The following RASSF6 variants were observed in gnomAD, a reference collection of about 807,000 sequenced individuals.
RASSF6 encodes Ras association domain family member 6.
A neutral mutation model predicts 44.0 loss-of-function variants in RASSF6; 52 were observed. The observed-to-expected ratio is 1.18, with a 90% CI of 0.95 to 1.49. RASSF6 has a LOEUF of 1.49. RASSF6 is among the 40% of genes most tolerant of loss of function. The pLI is 0.00. For missense variants in RASSF6, 464 were observed against 393.3 expected (o/e 1.18, Z -1.52); for synonymous variants, 162 against 124.6 (o/e 1.30, Z -2.00).
In RASSF6 at chr4:73,606,112, C is replaced by A. The variant is rs1725606522; in HGVS notation, c.65+5619G>T. 2.0e-5 allele frequency among the ~76,000 whole-genome samples: 3 copies of A among 152,192 alleles called. No individual in the cohort carries two copies. In the South Asian group the frequency reaches 6.2e-4, roughly 32 times the overall value. On this transcript the variant is annotated intron_variant, in intron 2 of 10. Coordinates refer to ENST00000307439, the MANE Select transcript of RASSF6 (RefSeq NM_177532.5). ...ACATTCTACCAAAAAGACATACACA[C>A]CCCTGTGTTTATCACAACACTATTC...
At chr4:73,616,571 C>T (rs1200527772) in intron 1 of RASSF6, among the ~76,000 whole-genome samples, 2 of 151,966 alleles carry the variant, frequency 1.3e-5, no homozygotes, top group Admixed American at 1.3e-4. Context: ...AAATTAAGAG[C>T]TAAGAGATTA....
chr4:73,618,637 G>T (rs1350735377), intron 1 of RASSF6, among the ~76,000 whole-genome samples: 1 of 152,010 alleles, frequency 6.6e-6, no homozygotes, highest in Non-Finnish European at 1.5e-5. Context: ...ACCCCAGAGG[G>T]AAATAACATA....
At position 73,618,558 on chromosome 4, in the gene RASSF6, C is replaced by T. The variant is rs150505833; in HGVS notation, c.-35+1730G>A. 3.3e-5 allele frequency among the ~76,000 whole-genome samples: 5 copies of T among 152,138 alleles called. No individual in the cohort carries two copies. In the East Asian group the frequency reaches 7.7e-4, roughly 23 times the overall value. ...GAAAAATCTTTAATGAATATTGGAA[C>T]CCTAACTTATTCTAATTCAATTTGA... On this transcript the variant is annotated intron_variant, in intron 1 of 10. Transcript: ENST00000307439.
At position 73,576,678 on chromosome 4, in the gene RASSF6, C is replaced by T; in HGVS notation, c.775G>A (p.Gly259Arg). 2 of 1,613,640 alleles carry T rather than the reference C, an allele frequency of 1.2e-6. No individual in the cohort carries two copies. The highest frequency in any genetic ancestry group is 1.3e-5 in the African/African-American group (1 of 74,976). Residue 259 changes from glycine to arginine, a missense_variant, in exon 9 of 11, where the codon GGA (glycine) becomes AGA (arginine). Gly to Arg is a moderately radical substitution (Grantham distance 125). Coordinates refer to ENST00000307439, the MANE Select transcript of RASSF6 (RefSeq NM_177532.5). The stretch of plus-strand genomic sequence containing the variant: ...ATGCGAGCATTCTTTTCAGAAGGTC[C>T]CTGTAGGAGCCTCTGCAGTAGCGGA... ...DIPLLQRLLQ[G>R]PSEKNARIFL... is the part of the protein sequence containing the mutation.
upstream of RASSF6, chr4:73,620,616 C>CAGGGAGTGGCTCAGG: frequency 1.5e-6 from 1 of 685,518 alleles, no homozygotes; most frequent in South Asian, 2.1e-5. Flanking sequence ...ACCTGAGCCA[C>CAGGGAGTGGCTCAGG]TCCCTGTGCC....
In RASSF6 at chr4:73,616,989, T is replaced by A. The variant is rs75599757; in HGVS notation, c.-35+3299A>T. ...TAGTTCTCTCAAAAAAGGAAAAGAG[T>A]TAACAGAGTGATGGTTTCTGGGAAA... On this transcript the variant is annotated intron_variant, in intron 1 of 10. Transcript: ENST00000307439. 5.9e-5 allele frequency among the ~76,000 whole-genome samples: 9 copies of A among 152,158 alleles called. No individual in the cohort carries two copies. The East Asian group carries it at 1.7e-3, about 29-fold the overall frequency.
At chr4:73,596,217 A>G (rs1194912865) in intron 3 of RASSF6, among the ~76,000 whole-genome samples, 2 of 152,230 alleles carry the variant, frequency 1.3e-5, no homozygotes, top group Non-Finnish European at 2.9e-5. Flanking sequence ...TGCAGATGAC[A>G]TAATCTTATA....
intron 1 of RASSF6, among the ~76,000 whole-genome samples, chr4:73,619,957 A>G (rs560186298): frequency 1.3e-5 from 2 of 152,048 alleles, no homozygotes; most frequent in African/African-American, 2.4e-5. Flanking sequence ...GTATCTTTGT[A>G]AGGCACGATT....
chr4:73,618,777 A>G (rs368934796), intron 1 of RASSF6, among the ~76,000 whole-genome samples: 8 of 152,340 alleles, frequency 5.3e-5, no homozygotes, highest in African/African-American at 1.9e-4. Context: ...AATGATATTA[A>G]GTTAGAGTAT....
intron 3 of RASSF6, 22 bp downstream of exon 3, chr4:73,598,618 T>G (rs1725087878): frequency 1.5e-6 from 2 of 1,328,708 alleles, no homozygotes; most frequent in Admixed American, 2.0e-5. Flanking sequence ...AACACCGGAT[T>G]GCCTTTCTTC....
chr4:73,577,005 A>T (rs1033297617), intron 8 of RASSF6, among the ~76,000 whole-genome samples: 1 of 152,168 alleles, frequency 6.6e-6, no homozygotes, highest in East Asian at 1.9e-4. Flanking sequence ...GCCTTTTATA[A>T]AGCAATATGC....
chr4:73,608,535 C>T (rs181737907), intron 2 of RASSF6, among the ~76,000 whole-genome samples: 3 of 152,120 alleles, frequency 2.0e-5, no homozygotes, highest in Non-Finnish European at 2.9e-5. Context: ...TTCACTGGGT[C>T]ATCAAACATG....
At position 73,617,437 on chromosome 4, in the gene RASSF6, G is replaced by T. The variant is rs926664397; in HGVS notation, c.-35+2851C>A. Among the ~76,000 whole-genome samples, 3 of 152,220 alleles carry T rather than the reference G, an allele frequency of 2.0e-5. No individual in the cohort carries two copies. The South Asian group carries it at 6.2e-4, about 31-fold the overall frequency. ...GGGTCTGGGAGGCGCTGCTCAGTCT[G>T]CCGACAGCATCTTCTGGAATTACTG... On this transcript the variant is annotated intron_variant, in intron 1 of 10. Coordinates refer to ENST00000307439, the MANE Select transcript of RASSF6 (RefSeq NM_177532.5).
intron 3 of RASSF6, 99 bp downstream of exon 3, chr4:73,598,541 T>C: frequency 1.6e-6 from 1 of 620,066 alleles, no homozygotes; most frequent in Non-Finnish European, 2.7e-6. Flanking sequence ...CATAATCAAG[T>C]TAAACTTTCA....
Position 73,573,503 on chromosome 4 carries a change from CAATATAA to C in RASSF6, c.*2725_*2731del, listed in dbSNP as rs1723026896. On this transcript the variant is annotated 3_prime_UTR_variant, in exon 11 of 11. Coordinates refer to ENST00000307439, the MANE Select transcript of RASSF6 (RefSeq NM_177532.5). ...TATTTCCTTTTGTCACAATAAATAA[CAATATAA>C]AACATATCTTTGCAGAATGTCTTTG... The C allele has an allele frequency of 6.6e-6, 1 of 152,082 alleles. No individual in the cohort carries two copies. The highest frequency in any genetic ancestry group is 1.5e-5 in the Non-Finnish European group (1 of 67,992). 9.4% of individuals were successfully genotyped at this position (152,082 alleles called of 1,614,324 possible).
At chr4:73,612,654 C>T (rs1344309621) in intron 1 of RASSF6, among the ~76,000 whole-genome samples, 1 of 151,998 alleles carries the variant, frequency 6.6e-6, no homozygotes, top group Admixed American at 6.6e-5. Context: ...TTCTTCTATT[C>T]TCATAAAATC....
chr4:73,620,567 T>C, upstream of RASSF6: 2 of 1,213,368 alleles, frequency 1.6e-6, no homozygotes, highest in Non-Finnish European at 2.3e-6. Context: ...GAGCTGTTAA[T>C]TATTTCTCCT....
intron 1 of RASSF6, among the ~76,000 whole-genome samples, chr4:73,612,266 T>C (rs912301492): frequency 2.0e-5 from 3 of 152,162 alleles, no homozygotes; most frequent in African/African-American, 7.2e-5. Context: ...TCAAGTCTCC[T>C]TCAAGCTCTG....
intron 4 of RASSF6, among the ~76,000 whole-genome samples, chr4:73,591,975 T>C (rs983711571): frequency 6.6e-6 from 1 of 151,328 alleles, no homozygotes; most frequent in African/African-American, 2.4e-5. Context: ...TGTCAAGTGA[T>C]ATAGAAAAGT....
Sources: gnomAD v4.1 joint callset for allele counts (sites outside exome capture counted in the v4.1 genomes callset) on GRCh38, gnomAD v4.1.1 for gene constraint, MANE v1.5 for transcripts, NCBI Gene and HGNC (gene_info 2026-07-23, HGNC 2026-07-21) for gene names.